The following PAGE2B variants were observed in gnomAD, a reference collection of about 807,000 sequenced individuals.
PAGE2B encodes PAGE family member 2B, also known as putative G antigen family E member 3.
A neutral mutation model predicts 7.6 loss-of-function variants in PAGE2B; 5 were observed. The observed-to-expected ratio is 0.66, with a 90% CI of 0.34 to 1.38. PAGE2B has a LOEUF of 1.38. PAGE2B is among the 40% of genes most tolerant of loss of function. The probability of loss-of-function intolerance (pLI) is 0.04; values close to 1 mark genes in which losing one functional copy is unlikely to be tolerated. For synonymous variants in PAGE2B, 29 were observed against 26.7 expected (o/e 1.09, Z -0.27); for missense variants, 70 against 78.4 (o/e 0.89, Z 0.41).
At chrX:55,038,934 A>G in the PAGE2B span, among the ~76,000 whole-genome samples, 1 of 111,643 alleles carries the variant, frequency 9.0e-6, no homozygotes, top group African/African-American at 3.3e-5. Flanking sequence ...TGGAGTATAC[A>G]GGCAGACCAG....
chrX:55,075,945 A>C, intron 1 of PAGE2B, 89 bp from the exon 2 acceptor site: 3 of 916,487 alleles, frequency 3.3e-6, no homozygotes, highest in Non-Finnish European at 4.5e-6. Flanking sequence ...AAAATTAAAA[A>C]AATACAAATC....
At chrX:55,066,248 G>A in the PAGE2B span, among the ~76,000 whole-genome samples, 1 of 111,348 alleles carries the variant, frequency 9.0e-6, no homozygotes, top group Admixed American at 9.6e-5. Context: ...GTGCCATCAC[G>A]TGCAGCTAAT....
At chrX:55,049,168 G>T in the PAGE2B span, among the ~76,000 whole-genome samples, 2 of 110,960 alleles carry the variant, frequency 1.8e-5, no homozygotes, top group Non-Finnish European at 3.8e-5. Context: ...ACTTGATCAT[G>T]GTGGATAAGC....
the PAGE2B span, among the ~76,000 whole-genome samples, chrX:55,042,653 CAAAAAAAAAAAAAAA>C: frequency 5.1e-4 from 6 of 11,855 alleles, no homozygotes; most frequent in South Asian, 0.017. Flanking sequence ...GACTCCGTCT[CAAAAAAAAAAAAAAA>C]AAAAAAAAAA....
At chrX:55,076,330 A>C (rs1444443732) in intron 2 of PAGE2B, among the ~76,000 whole-genome samples, 3 of 106,376 alleles carry the variant, frequency 2.8e-5, no homozygotes, top group Non-Finnish European at 3.8e-5. Context: ...CTCTCTCTAT[A>C]TATATATATG....
the PAGE2B span, among the ~76,000 whole-genome samples, chrX:55,042,611 G>A: frequency 8.5e-3 from 620 of 73,165 alleles, no homozygotes; most frequent in Middle Eastern, 0.014. Context: ...CCGAGATCCC[G>A]CCACTGCACT....
Position 55,077,436 on chromosome X carries a change from G to C in PAGE2B, c.231G>C (p.Leu77=). The C allele has an allele frequency of 1.4e-5, 17 of 1,211,753 alleles. No individual in the cohort carries two copies. Among genetic ancestry groups the C allele is most frequent in the Non-Finnish European group, 1.9e-5 (17 of 895,453 alleles). Residue 77 remains leucine, a synonymous_variant, in exon 4 of 5, where the codon CTG becomes CTC. Transcript: ENST00000374971. The part of the protein sequence containing the change: ...DMEAFQQELA[L]LKIEDEPGDG... Reference sequence around the variant, plus strand: ...AAGCTTTTCAACAGGAACTGGCTCTGCTTAAGATAGAGGATGAGCCTGGAG... The same window carrying C: ...AAGCTTTTCAACAGGAACTGGCTCTCCTTAAGATAGAGGATGAGCCTGGAG...
chrX:55,041,078 CTT>C, the PAGE2B span, among the ~76,000 whole-genome samples: 344 of 82,100 alleles, frequency 4.2e-3, no homozygotes, highest in African/African-American at 0.015. Flanking sequence ...TTCAATAATT[CTT>C]TTTTTTTTTT....
At chrX:55,029,832 G>A in the PAGE2B span, among the ~76,000 whole-genome samples, 1 of 111,309 alleles carries the variant, frequency 9.0e-6, no homozygotes, top group East Asian at 2.8e-4. Flanking sequence ...TTTTCCCTAC[G>A]ACTTTAAAAT....
chrX:55,052,644 T>G, the PAGE2B span, among the ~76,000 whole-genome samples: 1 of 113,044 alleles, frequency 8.8e-6, no homozygotes, highest in Non-Finnish European at 1.9e-5. Context: ...TGCCATTTGT[T>G]AAGCCCGTTG....
chrX:55,048,891 A>G, the PAGE2B span, among the ~76,000 whole-genome samples: 1 of 111,874 alleles, frequency 8.9e-6, no homozygotes, highest in African/African-American at 3.3e-5. Context: ...GCCAGTTTTC[A>G]AAGTGAATGC....
chrX:55,076,449 T>C (rs1438781287), intron 2 of PAGE2B, 120 bp from the exon 3 acceptor site: 1 of 664,799 alleles, frequency 1.5e-6, no homozygotes, highest in South Asian at 3.0e-5. Flanking sequence ...TATATGTATA[T>C]ACATATATAT....
the PAGE2B span, among the ~76,000 whole-genome samples, chrX:55,039,151 C>T: frequency 5.4e-5 from 6 of 111,394 alleles, no homozygotes; most frequent in African/African-American, 2.0e-4. Context: ...TTTCAGGTTA[C>T]AGCACGCAGT....
chrX:55,032,899 C>T, the PAGE2B span, among the ~76,000 whole-genome samples: 3 of 111,447 alleles, frequency 2.7e-5, no homozygotes, highest in Admixed American at 9.6e-5. Context: ...CTGCAATAAC[C>T]TTGACCTCCA....
the PAGE2B span, among the ~76,000 whole-genome samples, chrX:55,041,789 A>G: frequency 9.0e-6 from 1 of 111,710 alleles, no homozygotes; most frequent in Non-Finnish European, 1.9e-5. Context: ...CAGAGGACTC[A>G]GACACCAGCT....
At chrX:55,039,557 C>A in the PAGE2B span, among the ~76,000 whole-genome samples, 1 of 108,475 alleles carries the variant, frequency 9.2e-6, no homozygotes, top group Non-Finnish European at 1.9e-5. Flanking sequence ...AGTGAAGAAA[C>A]CCTAATGGTA....
the PAGE2B span, among the ~76,000 whole-genome samples, chrX:55,057,981 T>G: frequency 8.9e-6 from 1 of 111,792 alleles, no homozygotes; most frequent in Non-Finnish European, 1.9e-5. Context: ...TCTTTTTGAT[T>G]ATAGAGAAAT....
the PAGE2B span, among the ~76,000 whole-genome samples, chrX:55,064,345 G>A: frequency 9.0e-6 from 1 of 111,304 alleles, no homozygotes; most frequent in African/African-American, 3.3e-5. Context: ...GCATATAGTT[G>A]CTCATAGTAT....
the PAGE2B span, among the ~76,000 whole-genome samples, chrX:55,041,700 C>T: frequency 5.3e-3 from 595 of 111,746 alleles, 1 homozygote; most frequent in African/African-American, 0.018. Flanking sequence ...ACACAGTGGT[C>T]TCCCCCACAG....
Sources: allele counts gnomAD v4.1 joint callset (sites outside exome capture counted in the v4.1 genomes callset), GRCh38; gene constraint gnomAD v4.1.1; transcripts MANE v1.5; gene names NCBI Gene and HGNC (gene_info 2026-07-23, HGNC 2026-07-21).